Variants in RBFOX1 observed in about 807,000 individuals in gnomAD.
RBFOX1 encodes RNA binding protein fox-1 homolog 1.
Under a neutral mutation model 57.7 loss-of-function variants are expected in RBFOX1, and 8 were observed. The observed-to-expected ratio is 0.14, with a 90% confidence interval of 0.08 to 0.25. The LOEUF is 0.25. Among genes scored for constraint, RBFOX1 ranks in the 10% least tolerant of loss-of-function variants. The pLI, the probability that RBFOX1 is intolerant of heterozygous loss-of-function variation, is 1.00. For missense variants in RBFOX1, 611 were observed against 548.5 expected (o/e 1.11, Z -1.14); for synonymous variants, 326 against 222.4 (o/e 1.47, Z -4.15).
intron 1 of RBFOX1, among the ~76,000 whole-genome samples, chr16:5,414,097 G>C (rs1453969879): frequency 6.6e-6 from 1 of 152,166 alleles, no homozygotes; most frequent in African/African-American, 2.4e-5. Flanking sequence ...TCAATGATGA[G>C]ATAAAGGGGA....
chr16:5,255,119 C>G (rs71390649), intron 1 of RBFOX1, among the ~76,000 whole-genome samples: 2 of 152,158 alleles, frequency 1.3e-5, no homozygotes, highest in African/African-American at 4.8e-5. Flanking sequence ...CCAGTTTTGA[C>G]TTTCCTAGTC....
chr16:7,144,429 T>C (rs1201416275), intron 4 of RBFOX1, among the ~76,000 whole-genome samples: 5 of 141,834 alleles, frequency 3.5e-5, no homozygotes, highest in Admixed American at 2.8e-4. Context: ...TTTTTTTTTT[T>C]TTTTTTTTTG....
intron 3 of RBFOX1, among the ~76,000 whole-genome samples, chr16:5,787,030 G>T: frequency 6.6e-6 from 1 of 152,170 alleles, no homozygotes; most frequent in East Asian, 1.9e-4. Flanking sequence ...CAGCTCCTTG[G>T]GAGGCTGAGG....
Position 6,749,602 on chromosome 16 carries a change from C to G in RBFOX1, c.-16+94952C>G, listed in dbSNP as rs1055290842. Among the ~76,000 whole-genome samples the G allele has an allele frequency of 4.6e-5, 7 of 152,236 alleles. 1 individual carries two copies. The South Asian group carries it at 1.5e-3, about 32-fold the overall frequency. ...CTCCTTCTCTTTTCATTCATTGCACCGTTTATTGACCTCATATACATTCTT... is the reference window on the plus strand; with the variant it reads ...CTCCTTCTCTTTTCATTCATTGCACGGTTTATTGACCTCATATACATTCTT... On this transcript the variant is annotated intron_variant, in intron 3 of 15. Coordinates refer to ENST00000550418, the MANE Select transcript of RBFOX1 (RefSeq NM_018723.4).
At chr16:7,422,125 C>T (rs901120350) in intron 4 of RBFOX1, among the ~76,000 whole-genome samples, 1 of 152,034 alleles carries the variant, frequency 6.6e-6, no homozygotes, top group African/African-American at 2.4e-5. Context: ...TGATTCTGGG[C>T]CACATCGTAT....
rs117787486 is a variant in RBFOX1 at position 5,784,875 on chromosome 16, C to T, written c.319-82428C>T. 6.1e-3 allele frequency among the ~76,000 whole-genome samples: 936 copies of T among 152,224 alleles called. 3 individuals are homozygous for T. Among genetic ancestry groups the T allele is most frequent in the Non-Finnish European group, 0.01 (686 of 68,024 alleles). ...TCACCAGACACTGAATCTCCCGGTG[C>T]GTTGATCTTGGATTTCCAGCCTCAG... On this transcript the variant is annotated intron_variant, in intron 3 of 19. Transcript: ENST00000641259.
chr16:6,011,266 A>T (rs1418816345), intron 4 of RBFOX1, among the ~76,000 whole-genome samples: 1 of 152,202 alleles, frequency 6.6e-6, no homozygotes, highest in Non-Finnish European at 1.5e-5. Flanking sequence ...TTGCCTCTTG[A>T]TAAGTCTCAT....
chr16:7,120,838 C>CACACACACACAAAT (rs1555491045), intron 4 of RBFOX1, among the ~76,000 whole-genome samples: 1 of 141,614 alleles, frequency 7.1e-6, no homozygotes, highest in African/African-American at 2.7e-5. Flanking sequence ...TATACACACA[C>CACACACACACAAAT]ACACACACAC....
intron 2 of RBFOX1, among the ~76,000 whole-genome samples, chr16:5,574,234 A>G (rs1307141493): frequency 1.3e-5 from 2 of 152,112 alleles, no homozygotes; most frequent in Non-Finnish European, 2.9e-5. Context: ...AAGTGCCGTG[A>G]TTTCGTACAG....
intron 14 of RBFOX1, among the ~76,000 whole-genome samples, chr16:7,686,531 G>T (rs1568457175): frequency 6.6e-6 from 1 of 151,918 alleles, no homozygotes; most frequent in Non-Finnish European, 1.5e-5. Context: ...CTCTTCTTTG[G>T]GTGGAGAGAG....
At chr16:7,079,092 C>T (rs1378241825) in intron 4 of RBFOX1, among the ~76,000 whole-genome samples, 4 of 151,924 alleles carry the variant, frequency 2.6e-5, no homozygotes, top group African/African-American at 9.7e-5. Context: ...TTACGTGTAT[C>T]TATCCCATAT....
At chr16:7,704,589 G>C (rs1263325034) in intron 14 of RBFOX1, among the ~76,000 whole-genome samples, 1 of 152,158 alleles carries the variant, frequency 6.6e-6, no homozygotes, top group Non-Finnish European at 1.5e-5. Flanking sequence ...CACTGTTCTA[G>C]ACAGTGGGGA....
At chr16:7,522,313 G>T (rs1025829950) in intron 5 of RBFOX1, among the ~76,000 whole-genome samples, 1 of 152,154 alleles carries the variant, frequency 6.6e-6, no homozygotes, top group Non-Finnish European at 1.5e-5. Flanking sequence ...AGAGCTCACG[G>T]GGTGGGGTTT....
At position 7,124,330 on chromosome 16, in the gene RBFOX1, C is replaced by T. The variant is rs549401398; in HGVS notation, c.27+72232C>T. Among the ~76,000 whole-genome samples the T allele has an allele frequency of 2.6e-5, 4 of 152,162 alleles. No individual in the cohort carries two copies. The South Asian group carries it at 8.3e-4, about 32-fold the overall frequency. On this transcript the variant is annotated intron_variant, in intron 4 of 15. Coordinates refer to ENST00000550418, the MANE Select transcript of RBFOX1 (RefSeq NM_018723.4). Reference sequence around the variant, plus strand: ...TCAGGAGACTGAGGTGGGAGGATCCCTTGAGTTCAGGAGGTTGAGGCTGCA... The same window carrying T: ...TCAGGAGACTGAGGTGGGAGGATCCTTTGAGTTCAGGAGGTTGAGGCTGCA...
intron 4 of RBFOX1, among the ~76,000 whole-genome samples, chr16:7,384,627 G>A (rs191715604): frequency 6.6e-6 from 1 of 152,282 alleles, no homozygotes; most frequent in Non-Finnish European, 1.5e-5. Flanking sequence ...AGCTTTGCAG[G>A]CCATGCCAAC....
At chr16:7,646,431 CAT>C (rs2144032294) in intron 11 of RBFOX1, among the ~76,000 whole-genome samples, 2 of 152,332 alleles carry the variant, frequency 1.3e-5, no homozygotes, top group African/African-American at 4.8e-5. Flanking sequence ...TATTTCCTAC[CAT>C]AAATTACCCA....
chr16:6,935,303 C>G (rs9926278), intron 3 of RBFOX1, among the ~76,000 whole-genome samples: 87,031 of 151,824 alleles, frequency 0.57, 26,912 homozygotes, highest in African/African-American at 0.82. Flanking sequence ...TTCAGACGAT[C>G]TCTCCAAGTC....
At chr16:7,575,484 C>T (rs978404032) in intron 5 of RBFOX1, among the ~76,000 whole-genome samples, 8 of 151,974 alleles carry the variant, frequency 5.3e-5, no homozygotes, top group South Asian at 2.1e-4. Context: ...GTTTCACCCC[C>T]GCAGAGGGAA....
intron 4 of RBFOX1, among the ~76,000 whole-genome samples, chr16:7,371,927 T>C (rs1274738136): frequency 1.3e-5 from 2 of 151,818 alleles, no homozygotes; most frequent in African/African-American, 4.8e-5. Context: ...CTACACTAGG[T>C]GGCTGTGACA....
Sources: gnomAD v4.1 joint callset for allele counts (sites outside exome capture counted in the v4.1 genomes callset) on GRCh38, gnomAD v4.1.1 for gene constraint, MANE v1.5 for transcripts, NCBI Gene and HGNC (gene_info 2026-07-23, HGNC 2026-07-21) for gene names.